DLGAP4: variants seen among roughly 807,000 people sequenced by gnomAD.
DLGAP4 encodes DLG associated protein 4.
A neutral mutation model predicts 86.9 loss-of-function variants in DLGAP4; 18 were observed. The ratio of observed to expected loss-of-function variants is 0.21; its 90% CI spans 0.14 to 0.31. DLGAP4 has a LOEUF of 0.31. DLGAP4 is among the 10% of genes least tolerant of loss of function. The pLI, the probability that DLGAP4 is intolerant of heterozygous loss-of-function variation, is 1.00. For missense variants in DLGAP4, 1,085 were observed against 1,362.6 expected (o/e 0.80, Z 3.21); for synonymous variants, 548 against 574.3 (o/e 0.95, Z 0.65).
Position 36,431,345 on chromosome 20 carries a change from A to G in DLGAP4, c.-72-301A>G, listed in dbSNP as rs2033125523. ...CCCCCCACCCATATTTCATCATGGA[A>G]TTCAGAGGAGACCCAGAACTCTGAG... On this transcript the variant is annotated intron_variant, in intron 2 of 12. Transcript: ENST00000339266. This position sits in a 1 kb window ranked among gnomAD's most constrained non-coding sequence, Gnocchi z 5.1. Among the ~76,000 whole-genome samples, 1 of 152,114 alleles carries G rather than the reference A, an allele frequency of 6.6e-6. No homozygotes were observed. Among genetic ancestry groups the G allele is most frequent in the Non-Finnish European group, 1.5e-5 (1 of 68,004 alleles).
intron 1 of DLGAP4, among the ~76,000 whole-genome samples, chr20:36,307,734 C>G (rs1555889620): frequency 6.6e-6 from 1 of 152,164 alleles, no homozygotes; most frequent in Non-Finnish European, 1.5e-5. Flanking sequence ...GCCTCTACCT[C>G]CACTGCACCT....
chr20:36,355,877 G>A (rs1438186221), intron 1 of DLGAP4, among the ~76,000 whole-genome samples: 1 of 152,190 alleles, frequency 6.6e-6, no homozygotes, highest in Non-Finnish European at 1.5e-5. Flanking sequence ...CCACACAGCT[G>A]TAGGGAAACT....
chr20:36,446,893 C>T lies in DLGAP4; in HGVS notation c.1604C>T (p.Pro535Leu), dbSNP rs1462031839. The change falls in exon 7 of 13, where the codon CCA (proline) becomes CTA (leucine). Residue 535 changes from proline (P) to leucine (L), a missense_variant. Pro to Leu is a moderately conservative substitution (Grantham distance 98). Around this residue, in one of 2 missense-constraint regions of DLGAP4, gnomAD observed 1,082 missense variants for 1,344.1 expected, o/e 0.81. Transcript: ENST00000339266. ...AGTGTCTCCCTGCAGTCCCTCTCCC[C>T]ACCGCCCAGTACCGGCAGCCTCAGC... is the stretch of plus-strand genomic sequence containing the variant. ...EDSVSLQSLS[P>L]PPSTGSLSNS... The T allele has an allele frequency of 6.2e-7, 1 of 1,613,148 alleles. No homozygotes were observed. The highest frequency in any genetic ancestry group is 1.1e-5 in the South Asian group (1 of 91,052).
chr20:36,344,265 A>C (rs1240235282), intron 1 of DLGAP4, among the ~76,000 whole-genome samples: 1 of 152,164 alleles, frequency 6.6e-6, no homozygotes, highest in Non-Finnish European at 1.5e-5. Flanking sequence ...CAGAATATTC[A>C]TCTGTATTCT....
intron 7 of DLGAP4, among the ~76,000 whole-genome samples, chr20:36,470,961 C>T (rs1346814456): frequency 6.6e-6 from 1 of 152,130 alleles, no homozygotes; most frequent in Non-Finnish European, 1.5e-5. Context: ...TCTCCATGCA[C>T]GAGTGCATGT....
chr20:36,428,504 C>G (rs1277023371), intron 2 of DLGAP4, among the ~76,000 whole-genome samples: 1 of 152,224 alleles, frequency 6.6e-6, no homozygotes, highest in African/African-American at 2.4e-5. Flanking sequence ...CTGGTGGAAG[C>G]TGGGCCATGC....
At chr20:36,343,923 G>C (rs1432004076) in intron 1 of DLGAP4, among the ~76,000 whole-genome samples, 2 of 152,252 alleles carry the variant, frequency 1.3e-5, no homozygotes, top group Non-Finnish European at 2.9e-5. Context: ...GCCTTTGACA[G>C]AGAACCCTCC....
At chr20:36,328,018 G>A (rs1259423890) in intron 1 of DLGAP4, among the ~76,000 whole-genome samples, 2 of 151,640 alleles carry the variant, frequency 1.3e-5, no homozygotes, top group Admixed American at 1.3e-4. Flanking sequence ...GGCCAACGTG[G>A]TGAAACTCCG....
At position 36,526,946 on chromosome 20, in the gene DLGAP4, G is replaced by A. The variant is rs948514805; in HGVS notation, c.2894G>A (p.Arg965Gln). 7 of 1,613,614 alleles carry A rather than the reference G, an allele frequency of 4.3e-6. No homozygotes were observed. The highest frequency in any genetic ancestry group is 1.7e-5 in the Admixed American group (1 of 59,928). ...EARKRLLAAKRAASVRQNSAT... is the reference protein window; with the variant it reads ...EARKRLLAAKQAASVRQNSAT... ...CGCAAGAGACTCCTGGCGGCCAAGC[G>A]GGCAGCTTCTGTGCGGCAGAACTCA... is the stretch of plus-strand genomic sequence containing the variant. The change falls in exon 13 of 13, where the codon CGG (arginine) becomes CAG (glutamine). Residue 965 changes from arginine (R) to glutamine (Q), a missense_variant. Arg to Gln is a conservative substitution (Grantham distance 43). Around this residue, in one of 2 missense-constraint regions of DLGAP4, gnomAD observed 1,082 missense variants for 1,344.1 expected, o/e 0.81. Coordinates refer to ENST00000339266, the MANE Select transcript of DLGAP4 (RefSeq NM_001365621.2).
chr20:36,344,405 A>G (rs2065415557), intron 1 of DLGAP4, among the ~76,000 whole-genome samples: 1 of 152,204 alleles, frequency 6.6e-6, no homozygotes, highest in Non-Finnish European at 1.5e-5. Context: ...TCCACAATGT[A>G]ACAGTGATGG....
At position 36,339,624 on chromosome 20, in the gene DLGAP4, A is replaced by G. The variant is rs1339867714; in HGVS notation, c.-303-27421A>G. ...TGGCCTCCCAAAACGCTGGGACTGC[A>G]GGCCTGAGCCATGGCGCCCAACCCA... On this transcript the variant is annotated intron_variant, in intron 1 of 12. Coordinates refer to ENST00000339266, the MANE Select transcript of DLGAP4 (RefSeq NM_001365621.2). Among the ~76,000 whole-genome samples the G allele has an allele frequency of 7.9e-5, 12 of 152,242 alleles. 1 individual carries two copies. The highest frequency in any genetic ancestry group is 2.9e-4 in the African/African-American group (12 of 41,464).
At chr20:36,414,951 C>T (rs2032610680) in intron 2 of DLGAP4, among the ~76,000 whole-genome samples, 1 of 152,116 alleles carries the variant, frequency 6.6e-6, no homozygotes, top group African/African-American at 2.4e-5. Flanking sequence ...CCAGAACATA[C>T]CCAACCTTTG....
intron 2 of DLGAP4, among the ~76,000 whole-genome samples, chr20:36,376,663 G>T (rs927974585): frequency 2.0e-5 from 3 of 152,066 alleles, no homozygotes; most frequent in Non-Finnish European, 4.4e-5. Context: ...TGGGGGCCCT[G>T]TGGACCAATG....
At chr20:36,397,378 C>T in intron 2 of DLGAP4, among the ~76,000 whole-genome samples, 1 of 152,226 alleles carries the variant, frequency 6.6e-6, no homozygotes, top group East Asian at 1.9e-4. Flanking sequence ...CTGACATTCA[C>T]TAACAGCCCT....
At chr20:36,458,532 C>T (rs916769238) in intron 7 of DLGAP4, among the ~76,000 whole-genome samples, 5 of 150,882 alleles carry the variant, frequency 3.3e-5, no homozygotes, top group African/African-American at 1.2e-4. Context: ...TGGCAAAACC[C>T]CTCTCTACTA....
At position 36,490,722 on chromosome 20, in the gene DLGAP4, C is replaced by G. The variant is rs535454360; in HGVS notation, c.1649-5983C>G. 2.6e-5 allele frequency among the ~76,000 whole-genome samples: 4 copies of G among 152,296 alleles called. No homozygotes were observed. The East Asian group carries it at 7.7e-4, about 29-fold the overall frequency. On this transcript the variant is annotated intron_variant, in intron 7 of 12. Coordinates refer to ENST00000339266, the MANE Select transcript of DLGAP4 (RefSeq NM_001365621.2). ...CTTTGCCCCCTCAGGCACCTGGGAGCCAGCAGGCATGAGGCCCGTGTTAGG... is the reference window on the plus strand; with the variant it reads ...CTTTGCCCCCTCAGGCACCTGGGAGGCAGCAGGCATGAGGCCCGTGTTAGG...
chr20:36,455,422 C>T (rs1337712076), intron 7 of DLGAP4, among the ~76,000 whole-genome samples: 2 of 152,144 alleles, frequency 1.3e-5, no homozygotes, highest in Admixed American at 1.3e-4. Context: ...GCAGGGTGTA[C>T]CCCCACTCCT....
chr20:36,469,177 C>T (rs2034547947), intron 7 of DLGAP4, among the ~76,000 whole-genome samples: 1 of 152,192 alleles, frequency 6.6e-6, no homozygotes, highest in South Asian at 2.1e-4. Flanking sequence ...TTAAGTGCTG[C>T]TCTGTGCCTG....
At chr20:36,444,797 C>T (rs187271454) in intron 6 of DLGAP4, among the ~76,000 whole-genome samples, 167 of 152,022 alleles carry the variant, frequency 1.1e-3, no homozygotes, top group Non-Finnish European at 1.8e-3. Flanking sequence ...TGTGCCACCA[C>T]GCTCGGCCAA....
Sources: allele counts gnomAD v4.1 joint callset (sites outside exome capture counted in the v4.1 genomes callset), GRCh38; gene constraint gnomAD v4.1.1; regional missense constraint gnomAD v4.1.1; non-coding constraint Gnocchi (gnomAD v3.1); transcripts MANE v1.5; gene names NCBI Gene and HGNC (gene_info 2026-07-23, HGNC 2026-07-21).